The following NPHP1 variants were observed in gnomAD, a reference collection of about 807,000 sequenced individuals.
NPHP1 encodes nephrocystin 1, also known as nephrocystin-1.
A neutral mutation model predicts 90.4 loss-of-function variants in NPHP1; 70 were observed. That is an observed-to-expected ratio of 0.77 (90% CI 0.64 to 0.95). The LOEUF (loss-of-function observed/expected upper bound fraction) is 0.95, where lower values mean the gene tolerates loss of function less well. NPHP1 is among the 40% of genes least tolerant of loss of function. The pLI is 0.00. For missense variants in NPHP1, 764 were observed against 795.9 expected (o/e 0.96, Z 0.48); for synonymous variants, 256 against 271.7 (o/e 0.94, Z 0.57).
intron 6 of NPHP1, among the ~76,000 whole-genome samples, 161 bp from the exon 7 acceptor site, chr2:110,165,316 A>G (rs899952603): frequency 6.6e-6 from 1 of 152,202 alleles, no homozygotes; most frequent in Non-Finnish European, 1.5e-5. Context: ...AATCTTGAGC[A>G]TAGATGGGAA....
At chr2:110,152,173 G>A (rs1681519698) in intron 11 of NPHP1, among the ~76,000 whole-genome samples, 1 of 152,112 alleles carries the variant, frequency 6.6e-6, no homozygotes, top group African/African-American at 2.4e-5. Context: ...ACGCAAGAGG[G>A]GCTGGGTGCA....
chr2:110,204,080 C>T (rs186284509), intron 1 of NPHP1, among the ~76,000 whole-genome samples: 13 of 152,246 alleles, frequency 8.5e-5, no homozygotes, highest in African/African-American at 2.4e-4. Context: ...TACTTTTATA[C>T]ATCAATCTCT....
chr2:110,176,279 G>A (rs928223749), intron 4 of NPHP1, among the ~76,000 whole-genome samples: 4 of 151,764 alleles, frequency 2.6e-5, no homozygotes, highest in African/African-American at 9.7e-5. Context: ...ATCAAATATT[G>A]TATTTTTTAG....
chr2:110,159,996 T>C, intron 11 of NPHP1, 131 bp downstream of exon 11: 2 of 877,602 alleles, frequency 2.3e-6, no homozygotes, highest in Non-Finnish European at 3.7e-6. Flanking sequence ...CAAAGAGTCA[T>C]TCAAATTTTT....
At chr2:110,153,591 C>T (rs922808346) in intron 11 of NPHP1, among the ~76,000 whole-genome samples, 3 of 152,076 alleles carry the variant, frequency 2.0e-5, no homozygotes, top group African/African-American at 7.2e-5. Context: ...GTAAGCTATG[C>T]ATGTATAAAC....
chr2:110,160,377 A>G lies in NPHP1; in HGVS notation c.955-122T>C, dbSNP rs1209953130. 84 of 707,042 alleles carry G rather than the reference A, an allele frequency of 1.2e-4. 1 individual carries two copies. Among genetic ancestry groups the G allele is most frequent in the East Asian group, 1.6e-4 (6 of 36,480 alleles). 43.8% of individuals were successfully genotyped at this position (707,042 alleles called of 1,614,324 possible). ...TTTAAAAAAGAAAAAATTTACACAT[A>G]TACAATAAAAGTTTCAATACTCTGT... On this transcript the variant is annotated intron_variant, in intron 10 of 19. Coordinates refer to ENST00000445609, the MANE Select transcript of NPHP1 (RefSeq NM_001128178.3).
intron 4 of NPHP1, chr2:110,178,175 T>G (rs1056679645): frequency 1.9e-6 from 1 of 516,396 alleles, no homozygotes; most frequent in African/African-American, 1.9e-5. Context: ...TTCATTTAGC[T>G]TTTCAGATCT....
intron 2 of NPHP1, among the ~76,000 whole-genome samples, chr2:110,189,230 A>T (rs1436172725): frequency 6.6e-6 from 1 of 152,140 alleles, no homozygotes; most frequent in Non-Finnish European, 1.5e-5. Flanking sequence ...GGTCTCACTG[A>T]CTTCAAGAAT....
intron 2 of NPHP1, among the ~76,000 whole-genome samples, chr2:110,186,501 G>C (rs577311738): frequency 2.0e-5 from 3 of 152,230 alleles, no homozygotes; most frequent in Non-Finnish European, 4.4e-5. Flanking sequence ...AGCCAGGCCT[G>C]ACTCCTAGGA....
intron 4 of NPHP1, among the ~76,000 whole-genome samples, chr2:110,174,167 T>TA (rs1683351057): frequency 6.6e-6 from 1 of 152,124 alleles, no homozygotes; most frequent in Non-Finnish European, 1.5e-5. Flanking sequence ...ATATTTGGGT[T>TA]AAAAAAATTC....
At chr2:110,204,835 CG>C in intron 1 of NPHP1, 64 bp downstream of exon 1, 1 of 1,535,788 alleles carries the variant, frequency 6.5e-7, no homozygotes, top group Non-Finnish European at 9.0e-7. Context: ...GGTGGGAAGG[CG>C]CAGTGCGCGC....
chr2:110,181,951 C>T (rs1359228057), intron 2 of NPHP1, among the ~76,000 whole-genome samples: 1 of 152,136 alleles, frequency 6.6e-6, no homozygotes, highest in Non-Finnish European at 1.5e-5. Flanking sequence ...CATAACTGAC[C>T]TGATAGAGGT....
intron 2 of NPHP1, among the ~76,000 whole-genome samples, 174 bp from the exon 3 acceptor site, chr2:110,179,858 G>C (rs765605750): frequency 6.6e-6 from 1 of 152,084 alleles, no homozygotes; most frequent in Non-Finnish European, 1.5e-5. Context: ...GATCCTCATA[G>C]CCAAGCTGTA....
At chr2:110,160,954 C>T (rs1036851739) in intron 10 of NPHP1, among the ~76,000 whole-genome samples, 4 of 152,012 alleles carry the variant, frequency 2.6e-5, no homozygotes. Flanking sequence ...ATTGCTTGAG[C>T]TCAGGAGTTT....
intron 17 of NPHP1, 80 bp from the exon 18 acceptor site, chr2:110,129,339 G>T: frequency 9.7e-7 from 1 of 1,033,362 alleles, no homozygotes; most frequent in Non-Finnish European, 1.5e-6. Context: ...AAAATATTCA[G>T]ATGAAAATTA....
rs780154002 is a variant in NPHP1 at position 110,204,914 on chromosome 2, C to A, written c.55G>T (p.Glu19Ter). Reference protein sequence around the residue: ...PLQALRRRNQELKQQVDSLLS... With the variant: ...PLQALRRRNQ ...CCTGACCATACCTGTTGCTTCAGCT[C>A]CTGATTGCGGCGCCGCAGGGCCTGG... Residue 19 changes from glutamate to a stop codon, truncating the protein, a stop_gained, in exon 1 of 20, where the codon GAG (glutamate) becomes TAG (stop). Coordinates refer to ENST00000445609, the MANE Select transcript of NPHP1 (RefSeq NM_001128178.3). LOFTEE classifies it high-confidence loss of function. The A allele has an allele frequency of 6.2e-7, 1 of 1,614,026 alleles. No homozygotes were observed. Among genetic ancestry groups the A allele is most frequent in the East Asian group, 2.2e-5 (1 of 44,876 alleles).
At chr2:110,142,940 T>G (rs1680759089) in intron 16 of NPHP1, among the ~76,000 whole-genome samples, 1 of 152,120 alleles carries the variant, frequency 6.6e-6, no homozygotes, top group African/African-American at 2.4e-5. Flanking sequence ...TGGGTAAGTC[T>G]CAAATGCACT....
At chr2:110,129,648 G>A (rs1286644105) in intron 17 of NPHP1, among the ~76,000 whole-genome samples, 1 of 152,164 alleles carries the variant, frequency 6.6e-6, no homozygotes, top group African/African-American at 2.4e-5. Context: ...AGGAAGCATT[G>A]GGGGGAAAGG....
chr2:110,199,911 G>A (rs573915719), intron 2 of NPHP1, among the ~76,000 whole-genome samples: 99 of 152,262 alleles, frequency 6.5e-4, no homozygotes, highest in African/African-American at 2.2e-3. Flanking sequence ...TTAAATGACA[G>A]TAACAATCTT....
Sources: gnomAD v4.1 joint callset for allele counts (sites outside exome capture counted in the v4.1 genomes callset) on GRCh38, gnomAD v4.1.1 for gene constraint, MANE v1.5 for transcripts, NCBI Gene and HGNC (gene_info 2026-07-23, HGNC 2026-07-21) for gene names.